Variants in ADAMTS3 observed in about 807,000 individuals in gnomAD.
ADAMTS3 encodes A disintegrin and metalloproteinase with thrombospondin motifs 3.
A neutral mutation model predicts 129.0 loss-of-function variants in ADAMTS3; 73 were observed. The ratio of observed to expected loss-of-function variants is 0.57; its 90% confidence interval spans 0.47 to 0.69. The LOEUF (loss-of-function observed/expected upper bound fraction) is 0.69. Among genes scored for constraint, ADAMTS3 ranks in the 30% least tolerant of loss-of-function variants. ADAMTS3 has a pLI of 0.00. For missense variants in ADAMTS3, 1,457 were observed against 1,514.5 expected, an observed-to-expected ratio of 0.96 and a Z score of 0.63; for synonymous variants, 477 against 510.8, an observed-to-expected ratio of 0.93 and a Z score of 0.89.
intron 4 of ADAMTS3, among the ~76,000 whole-genome samples, chr4:72,401,864 G>GT (rs1352112577): frequency 6.6e-6 from 1 of 152,052 alleles, no homozygotes; most frequent in Non-Finnish European, 1.5e-5. Context: ...ATGAGGAATC[G>GT]TAAGCACTGA....
chr4:72,313,061 T>A (rs555947940), intron 12 of ADAMTS3, among the ~76,000 whole-genome samples: 1 of 152,238 alleles, frequency 6.6e-6, no homozygotes, highest in South Asian at 2.1e-4. Context: ...CTCAGAGACA[T>A]CCTGCTGCCA....
chr4:72,510,760 A>C, intron 3 of ADAMTS3, among the ~76,000 whole-genome samples: 1 of 150,900 alleles, frequency 6.6e-6, no homozygotes, highest in Non-Finnish European at 1.5e-5. Context: ...TAGAAAAATC[A>C]ATCCTAAAAT....
chr4:72,532,692 C>T (rs1721076324), intron 3 of ADAMTS3, among the ~76,000 whole-genome samples: 1 of 152,132 alleles, frequency 6.6e-6, no homozygotes, highest in Non-Finnish European at 1.5e-5. Flanking sequence ...ATACCTACTA[C>T]ATACCTAGGC....
chr4:72,515,173 T>C (rs542834871), intron 3 of ADAMTS3, among the ~76,000 whole-genome samples: 2 of 152,326 alleles, frequency 1.3e-5, no homozygotes, highest in South Asian at 4.1e-4. Context: ...ACTGATCCTT[T>C]TTTATGGCTG....
intron 3 of ADAMTS3, among the ~76,000 whole-genome samples, chr4:72,512,890 A>C (rs1030215885): frequency 3.9e-5 from 6 of 152,142 alleles, no homozygotes; most frequent in Non-Finnish European, 7.3e-5. Flanking sequence ...CTCTCCAAAA[A>C]GTGGGTATTC....
chr4:72,530,711 TATATATA>T (rs1160373865), intron 3 of ADAMTS3, among the ~76,000 whole-genome samples: 1 of 93,532 alleles, frequency 1.1e-5, no homozygotes, highest in African/African-American at 4.4e-5. Flanking sequence ...TATTATATAT[TATATATA>T]ATATTATACA....
intron 17 of ADAMTS3, among the ~76,000 whole-genome samples, chr4:72,303,183 T>C (rs1368487401): frequency 6.6e-6 from 1 of 152,118 alleles, no homozygotes; most frequent in African/African-American, 2.4e-5. Context: ...CCTAGGCACA[T>C]AAACCACCTC....
intron 3 of ADAMTS3, among the ~76,000 whole-genome samples, chr4:72,537,379 T>C (rs1049177169): frequency 6.6e-6 from 1 of 152,216 alleles, no homozygotes; most frequent in African/African-American, 2.4e-5. Flanking sequence ...GAAATGATTT[T>C]TAGGGAATTT....
rs200949722 is a variant in ADAMTS3 at position 72,305,741 on chromosome 4, GTACATA to G, written c.2260+240_2260+245del. 9.9e-3 allele frequency among the ~76,000 whole-genome samples: 1,498 copies of G among 151,940 alleles called. 33 individuals are homozygous for G. Among genetic ancestry groups the G allele is most frequent in the African/African-American group, 0.034 (1,413 of 41,458 alleles). On this transcript the variant is annotated intron_variant, in intron 16 of 21. Coordinates refer to ENST00000286657, the MANE Select transcript of ADAMTS3 (RefSeq NM_014243.3). ...CTTACATATACGTATGCACATGTATGTACATATACATATGCACATGTACACACATAT... is the reference window on the plus strand; with the variant it reads ...CTTACATATACGTATGCACATGTATGTACATATGCACATGTACACACATAT...
chr4:72,294,281 G>C (rs533986504), intron 19 of ADAMTS3, among the ~76,000 whole-genome samples: 6 of 152,196 alleles, frequency 3.9e-5, no homozygotes, highest in Non-Finnish European at 5.9e-5. Flanking sequence ...TAGAATGGTG[G>C]TGATTAGGGG....
At chr4:72,320,937 TCTGAAG>T (rs1466111349) in intron 6 of ADAMTS3, 67 bp from the exon 7 acceptor site, 9 of 1,496,552 alleles carry the variant, frequency 6.0e-6, no homozygotes, top group Non-Finnish European at 8.2e-6. Context: ...GATAATTTCC[TCTGAAG>T]CTGAATTTGG....
intron 3 of ADAMTS3, among the ~76,000 whole-genome samples, chr4:72,509,799 AG>A (rs1720264449): frequency 9.7e-6 from 1 of 102,994 alleles, no homozygotes; most frequent in African/African-American, 4.7e-5. Context: ...AACCAGACAA[AG>A]ACACATTAAA....
At chr4:72,410,500 A>AT (rs1476349723) in intron 4 of ADAMTS3, among the ~76,000 whole-genome samples, 2 of 152,152 alleles carry the variant, frequency 1.3e-5, no homozygotes, top group African/African-American at 4.8e-5. Context: ...CTTCTGGTGA[A>AT]TGAATAGTGG....
In ADAMTS3 at chr4:72,283,137, C is replaced by T; in HGVS notation, c.3617G>A (p.Ter1206=). 2 of 1,591,754 alleles carry T rather than the reference C, an allele frequency of 1.3e-6. No homozygotes were observed. Among genetic ancestry groups the T allele is most frequent in the African/African-American group, 2.7e-5 (2 of 74,074 alleles). Residue 1206 remains the stop codon, a stop_retained_variant, in exon 22 of 22, where the codon TGA becomes TAA. Coordinates refer to ENST00000286657, the MANE Select transcript of ADAMTS3 (RefSeq NM_014243.3). The stretch of plus-strand genomic sequence containing the variant: ...TTCTAGCCTTTTTGGTTCACTTTCT[C>T]ATCTTTCTAAGGTGGATGATCTTGT... ...RPTRSSTLER[*]
At chr4:72,341,142 G>A (rs1720127046) in intron 4 of ADAMTS3, among the ~76,000 whole-genome samples, 1 of 152,118 alleles carries the variant, frequency 6.6e-6, no homozygotes, top group Admixed American at 6.5e-5. Flanking sequence ...TGATGACCAA[G>A]CCCTAGCCAA....
intron 3 of ADAMTS3, among the ~76,000 whole-genome samples, chr4:72,513,292 C>G (rs1482910719): frequency 6.6e-6 from 1 of 152,178 alleles, no homozygotes; most frequent in Non-Finnish European, 1.5e-5. Context: ...CTTACACACA[C>G]TCCTTTCTTC....
intron 3 of ADAMTS3, among the ~76,000 whole-genome samples, chr4:72,462,390 CTGTTGAAA>C (rs1718794964): frequency 6.6e-6 from 1 of 151,998 alleles, no homozygotes; most frequent in Admixed American, 6.6e-5. Flanking sequence ...TAGCCCTTGG[CTGTTGAAA>C]CAATGCGCAG....
At chr4:72,364,583 C>T (rs557020742) in intron 4 of ADAMTS3, among the ~76,000 whole-genome samples, 2 of 150,210 alleles carry the variant, frequency 1.3e-5, no homozygotes, top group South Asian at 4.2e-4. Flanking sequence ...CACCGCACTC[C>T]AGCCTGGGTG....
chr4:72,291,519 C>T (rs535251057), intron 19 of ADAMTS3, among the ~76,000 whole-genome samples: 14 of 150,550 alleles, frequency 9.3e-5, no homozygotes, highest in African/African-American at 1.7e-4. Context: ...TTTGTCCTTG[C>T]GATAGTTTAC....
Sources: gnomAD v4.1 joint callset for allele counts (sites outside exome capture counted in the v4.1 genomes callset) on GRCh38, gnomAD v4.1.1 for gene constraint, MANE v1.5 for transcripts, NCBI Gene and HGNC (gene_info 2026-07-23, HGNC 2026-07-21) for gene names.